The following ITSN1 variants were observed in gnomAD, a reference collection of about 807,000 sequenced individuals.
The protein encoded by ITSN1 is intersectin 1.
In ITSN1, 58 loss-of-function variants were observed where a neutral mutation model predicts 239.8. The observed-to-expected ratio is 0.24, with a 90% CI of 0.20 to 0.30. ITSN1 has a LOEUF of 0.30. Among genes scored for constraint, ITSN1 ranks in the 10% least tolerant of loss-of-function variants. The pLI, the probability that ITSN1 is intolerant of heterozygous loss-of-function variation, is 1.00. For missense variants in ITSN1, 1,558 were observed against 2,103.3 expected (o/e 0.74, Z 5.07); for synonymous variants, 780 against 770.8 (o/e 1.01, Z -0.20).
intron 29 of ITSN1, among the ~76,000 whole-genome samples, chr21:33,846,525 G>C (rs1223757300): frequency 6.6e-6 from 1 of 152,214 alleles, no homozygotes; most frequent in African/African-American, 2.4e-5. Flanking sequence ...GCCTTGTGTA[G>C]TTGTCTTATT....
intron 4 of ITSN1, among the ~76,000 whole-genome samples, chr21:33,732,040 C>G (rs1280350737): frequency 6.6e-6 from 1 of 152,132 alleles, no homozygotes; most frequent in Non-Finnish European, 1.5e-5. Context: ...GAAGCAGAGG[C>G]TTCCAGGTCA....
chr21:33,820,446 G>C (rs2073597049), intron 24 of ITSN1, among the ~76,000 whole-genome samples: 1 of 152,136 alleles, frequency 6.6e-6, no homozygotes, highest in Non-Finnish European at 1.5e-5. Flanking sequence ...ATACATTACA[G>C]GAGAATAGAA....
At chr21:33,818,498 T>G in intron 23 of ITSN1, 26 bp downstream of exon 23, 1 of 1,567,578 alleles carries the variant, frequency 6.4e-7, no homozygotes, top group South Asian at 1.1e-5. Flanking sequence ...TCTGCTTGTA[T>G]TTGATGAAAA....
At chr21:33,767,553 CTT>C (rs2068811237) in intron 10 of ITSN1, among the ~76,000 whole-genome samples, 158 bp from the exon 11 acceptor site, 3 of 152,184 alleles carry the variant, frequency 2.0e-5, no homozygotes, top group South Asian at 4.1e-4. Flanking sequence ...TTAAAAAACT[CTT>C]TGTAAATAGA....
intron 31 of ITSN1, among the ~76,000 whole-genome samples, chr21:33,859,630 T>C (rs1282279129): frequency 6.6e-6 from 1 of 152,140 alleles, no homozygotes; most frequent in East Asian, 1.9e-4. Flanking sequence ...ATTCCTGATC[T>C]TCATCCGTGT....
At chr21:33,668,479 A>C (rs1295308278) in intron 1 of ITSN1, among the ~76,000 whole-genome samples, 2 of 152,164 alleles carry the variant, frequency 1.3e-5, no homozygotes, top group Admixed American at 6.5e-5. Flanking sequence ...ATCCCCGCCT[A>C]CTTCCCTTTT....
chr21:33,660,515 C>T (rs2089469560), intron 1 of ITSN1, among the ~76,000 whole-genome samples: 1 of 152,090 alleles, frequency 6.6e-6, no homozygotes, highest in Non-Finnish European at 1.5e-5. Context: ...GAAAAGTGGC[C>T]TTGTTTTACA....
At chr21:33,644,636 A>G (rs1439345160) in intron 1 of ITSN1, among the ~76,000 whole-genome samples, 3 of 151,746 alleles carry the variant, frequency 2.0e-5, no homozygotes, top group African/African-American at 7.3e-5. Flanking sequence ...GTTCTGTGAA[A>G]TGTTTGTCGC....
At chr21:33,739,611 A>G (rs2066720415) in intron 5 of ITSN1, among the ~76,000 whole-genome samples, 1 of 152,228 alleles carries the variant, frequency 6.6e-6, no homozygotes. Context: ...CAGTAGAACA[A>G]GATGGCCAGG....
intron 24 of ITSN1, among the ~76,000 whole-genome samples, chr21:33,819,875 G>A (rs914786318): frequency 7.2e-5 from 11 of 151,980 alleles, no homozygotes; most frequent in East Asian, 3.9e-4. Flanking sequence ...CCAGCTACTC[G>A]GGAGGCTGAG....
intron 22 of ITSN1, among the ~76,000 whole-genome samples, chr21:33,816,342 G>C (rs1204430409): frequency 2.0e-5 from 3 of 152,144 alleles, no homozygotes; most frequent in African/African-American, 7.2e-5. Context: ...TTCTATCATA[G>C]CAATACTGTG....
chr21:33,865,452 C>T lies in ITSN1; in HGVS notation c.4074+118C>T. 1 of 836,890 alleles carries T rather than the reference C, an allele frequency of 1.2e-6. No individual in the cohort carries two copies. The highest frequency in any genetic ancestry group is 1.7e-5 in the African/African-American group (1 of 57,718). 51.8% of individuals were successfully genotyped at this position (836,890 alleles called of 1,614,324 possible). ...TGTTCCCACTAGAGGCCAACAGGGC[C>T]TAGGGTCTTGGCTAAGCCTTAGGGG... On this transcript the variant is annotated intron_variant, in intron 32 of 39. Transcript: ENST00000381318. The surrounding 1 kb of genome is among the most constrained non-coding windows in gnomAD (Gnocchi z 4.4).
intron 29 of ITSN1, 32 bp from the exon 30 acceptor site, chr21:33,856,704 G>T: frequency 6.2e-7 from 1 of 1,613,140 alleles, no homozygotes; most frequent in Non-Finnish European, 8.5e-7. Flanking sequence ...CCCAGACTGT[G>T]CTAAGTTCTC....
chr21:33,738,453 G>A (rs1362083564), intron 5 of ITSN1, among the ~76,000 whole-genome samples: 2 of 151,942 alleles, frequency 1.3e-5, no homozygotes, highest in African/African-American at 2.4e-5. Flanking sequence ...CCAGGCTGGA[G>A]TGCAGTGGCA....
intron 7 of ITSN1, among the ~76,000 whole-genome samples, chr21:33,753,606 C>CA (rs2067707120): frequency 6.6e-6 from 1 of 151,418 alleles, no homozygotes; most frequent in South Asian, 2.1e-4. Context: ...ACTAAAAATA[C>CA]AAAAAATTAG....
chr21:33,875,146 C>T lies in ITSN1; in HGVS notation c.4174-208C>T, dbSNP rs528606817. The stretch of plus-strand genomic sequence containing the variant: ...AAGGATGGGACCATTCACTGCTTCC[C>T]GCAATGCCACCCACTGGAGCCATCA... On this transcript the variant is annotated intron_variant, in intron 33 of 39. Transcript: ENST00000381318. 6.0e-4 allele frequency among the ~76,000 whole-genome samples: 91 copies of T among 152,282 alleles called. No individual in the cohort carries two copies. The South Asian group carries it at 0.011, about 19-fold the overall frequency.
At chr21:33,734,990 G>A in intron 4 of ITSN1, 54 bp from the exon 5 acceptor site, 1 of 1,511,756 alleles carries the variant, frequency 6.6e-7, no homozygotes, top group Non-Finnish European at 8.9e-7. Flanking sequence ...TGGTGGTTTT[G>A]GAAAGGTTCT....
At chr21:33,815,324 T>C (rs2073196357) in intron 22 of ITSN1, among the ~76,000 whole-genome samples, 1 of 152,114 alleles carries the variant, frequency 6.6e-6, no homozygotes, top group Admixed American at 6.5e-5. Flanking sequence ...GGTACTTTCC[T>C]TTGCATCTGT....
In ITSN1 at chr21:33,899,637, C is replaced by G. The variant is rs1986986021; in HGVS notation, c.*11337C>G. On this transcript the variant is annotated 3_prime_UTR_variant, in exon 40 of 40. Coordinates refer to ENST00000381318, the MANE Select transcript of ITSN1 (RefSeq NM_003024.3). ...TGCTGTTTGAGTGTTCCTTTGGCAA[C>G]TTATTATGTGTGAAATGTTAAATTT... The G allele has an allele frequency of 6.6e-6, 1 of 152,142 alleles. No homozygotes were observed. The highest frequency in any genetic ancestry group is 1.5e-5 in the Non-Finnish European group (1 of 68,020). The allele number at this position is 152,142 out of a possible 1,614,324, so 9.4% of individuals were successfully genotyped here.
Sources: gnomAD v4.1 joint callset for allele counts (sites outside exome capture counted in the v4.1 genomes callset) on GRCh38, gnomAD v4.1.1 for gene constraint, Gnocchi (gnomAD v3.1) non-coding constraint, MANE v1.5 for transcripts, NCBI Gene and HGNC (gene_info 2026-07-23, HGNC 2026-07-21) for gene names.